Variants in MUC5B observed in about 807,000 individuals in gnomAD.
MUC5B encodes the protein mucin-5B.
MUC5B carries 116 observed loss-of-function variants against 376.9 expected under a neutral mutation model. The ratio of observed to expected loss-of-function variants is 0.31; its 90% CI spans 0.26 to 0.36. The LOEUF is 0.36. Ranked by LOEUF, MUC5B falls within the 10% of genes least tolerant of loss-of-function variation. MUC5B has a pLI of 1.00. For missense variants in MUC5B, 7,165 were observed against 7,769.9 expected, an observed-to-expected ratio of 0.92 and a Z score of 2.93; for synonymous variants, 3,517 against 3,390.9, an observed-to-expected ratio of 1.04 and a Z score of -1.29.
rs757522557 is a variant in MUC5B at position 1,244,730 on chromosome 11, C to A, written c.7850C>A (p.Thr2617Lys). ...CTGACTACCACAACCACGGGCTTCACAGCCACCCCCTCCTCCAGCCCAGGG... is the reference window on the plus strand; with the variant it reads ...CTGACTACCACAACCACGGGCTTCAAAGCCACCCCCTCCTCCAGCCCAGGG... ...KVLTTTTTGF[T>K]ATPSSSPGTA... The change falls in exon 31 of 49, where the codon ACA (threonine) becomes AAA (lysine). Residue 2617 changes from threonine to lysine, a missense_variant. By Grantham distance (78) the Thr-to-Lys change is moderately conservative. Around this residue, in one of 31 missense-constraint regions of MUC5B, gnomAD observed 141 missense variants for 111.2 expected, o/e 1.27. Coordinates refer to ENST00000529681, the MANE Select transcript of MUC5B (RefSeq NM_002458.3). The A allele has an allele frequency of 2.5e-6, 4 of 1,609,936 alleles. No homozygotes were observed. The highest frequency in any genetic ancestry group is 1.7e-4 in the Middle Eastern group (1 of 6,022).
chr11:1,233,710 G>T, intron 18 of MUC5B, 83 bp from the exon 19 acceptor site: 1 of 1,404,006 alleles, frequency 7.1e-7, no homozygotes, highest in Non-Finnish European at 9.8e-7. Flanking sequence ...GAGGCCCAGC[G>T]TTCGGCGGGG....
At position 1,261,283 on chromosome 11, in the gene MUC5B, G is replaced by T. The variant is rs565393968; in HGVS notation, c.17070-106G>T. 2.6e-5 allele frequency: 25 copies of T among 970,246 alleles called. 1 individual carries two copies. The South Asian group carries it at 3.7e-4, about 14-fold the overall frequency. 60.1% of individuals were successfully genotyped at this position (970,246 alleles called of 1,614,324 possible). ...AGAGCAGGCCACTGTGGACAGAAGGGGGCGGCCGTCTGGCCCAGGACCCCA... is the reference window on the plus strand; with the variant it reads ...AGAGCAGGCCACTGTGGACAGAAGGTGGCGGCCGTCTGGCCCAGGACCCCA... On this transcript the variant is annotated intron_variant, in intron 48 of 48. Coordinates refer to ENST00000529681, the MANE Select transcript of MUC5B (RefSeq NM_002458.3).
At position 1,253,966 on chromosome 11, in the gene MUC5B, T is replaced by C; in HGVS notation, c.15218-126T>C. 5 of 1,346,510 alleles carry C rather than the reference T, an allele frequency of 3.7e-6. No homozygotes were observed. Among genetic ancestry groups the C allele is most frequent in the Non-Finnish European group, 4.0e-6 (4 of 998,730 alleles). 83.4% of individuals were successfully genotyped at this position (1,346,510 alleles called of 1,614,324 possible). On this transcript the variant is annotated intron_variant, in intron 33 of 48. Coordinates refer to ENST00000529681, the MANE Select transcript of MUC5B (RefSeq NM_002458.3). The surrounding 1 kb of genome is among the most constrained non-coding windows in gnomAD (Gnocchi z 4.3). ...GACCCATTTTTATAGACGAGGCAGC[T>C]GAGGCCCCAGGGGCTTCAGTGGCTC...
At position 1,252,534 on chromosome 11, in the gene MUC5B, G is replaced by A. The variant is rs753288742; in HGVS notation, c.15045+10G>A. On this transcript the variant is annotated intron_variant, in intron 32 of 48. Coordinates refer to ENST00000529681, the MANE Select transcript of MUC5B (RefSeq NM_002458.3). The stretch of plus-strand genomic sequence containing the variant: ...CATCCCTCTCCGGCAGGTGGGCCCC[G>A]CCTGCCCTCCACCTCCCGTGCTGCG... 1.5e-5 allele frequency: 23 copies of A among 1,532,322 alleles called. No homozygotes were observed. Among genetic ancestry groups the A allele is most frequent in the Middle Eastern group, 1.9e-4 (1 of 5,342 alleles). 94.9% of individuals were successfully genotyped at this position (1,532,322 alleles called of 1,614,324 possible). A position where few individuals can be genotyped will look rare whatever the true frequency, so the allele number is the denominator to read the frequency against.
chr11:1,254,852 C>T lies in MUC5B; in HGVS notation c.15636C>T (p.Leu5212=), dbSNP rs1392262293. The change falls in exon 35 of 49, where the codon CTC becomes CTT. Residue 5212 remains leucine (L), a synonymous_variant. Coordinates refer to ENST00000529681, the MANE Select transcript of MUC5B (RefSeq NM_002458.3). ...TCCAGGCCCGGCTGCCCTACAGCCT[C>T]TTCCACAACAACACCGAGGGCCAGT... The part of the protein sequence containing the change: ...QVFQARLPYS[L]FHNNTEGQCG... The T allele has an allele frequency of 2.2e-5, 35 of 1,612,002 alleles. No individual in the cohort carries two copies. Among genetic ancestry groups the T allele is most frequent in the Non-Finnish European group, 2.7e-5 (32 of 1,179,752 alleles).
In MUC5B at chr11:1,234,676, AC is replaced by A; in HGVS notation, c.2628del (p.Cys877AlafsTer88). 6.9e-7 allele frequency: 1 copy of A among 1,450,652 alleles called. No homozygotes were observed. The allele number at this position is 1,450,652 out of a possible 1,614,324, so 89.9% of individuals were successfully genotyped here. A position where few individuals can be genotyped will look rare whatever the true frequency, so the allele number is the denominator to read the frequency against. On this transcript the variant is annotated frameshift_variant, in exon 21 of 49. Coordinates refer to ENST00000529681, the MANE Select transcript of MUC5B (RefSeq NM_002458.3). LOFTEE classifies it high-confidence loss of function. The surrounding 1 kb of genome is among the most constrained non-coding windows in gnomAD (Gnocchi z 6.3). The stretch of plus-strand genomic sequence containing the variant: ...AGAGACCATCAGGGTCGACTGCAAC[AC>A]CTGGTGGGTCGTGAGTCTCTCGGAG... ...PGETIRVDCN[T>X]CTCRNRRWEC... is the part of the protein sequence containing the mutation.
Position 1,237,023 on chromosome 11 carries a change from G to T in MUC5B, c.3156G>T (p.Gly1052=). ...TGGTGGGGGACGCACTGGAGTTTGG[G>T]AACAGCTGGAAGCTCTCCCCCTCCT... The part of the protein sequence containing the change: ...RSVVGDALEF[G]NSWKLSPSCP... The change falls in exon 25 of 49, where the codon GGG becomes GGT. Residue 1052 remains glycine, a synonymous_variant. Transcript: ENST00000529681. 6.3e-7 allele frequency: 1 copy of T among 1,576,832 alleles called. No individual in the cohort carries two copies. Among genetic ancestry groups the T allele is most frequent in the Non-Finnish European group, 8.6e-7 (1 of 1,161,000 alleles).
At position 1,261,465 on chromosome 11, in the gene MUC5B, C is replaced by T. The variant is rs969177481; in HGVS notation, c.17146C>T (p.Pro5716Ser). 2.6e-6 allele frequency: 4 copies of T among 1,556,620 alleles called. No individual in the cohort carries two copies. The highest frequency in any genetic ancestry group is 2.7e-5 in the African/African-American group (2 of 73,358). Reference protein sequence around the residue: ...QERRVHEETVPLHCPNGSAIL... With the variant: ...QERRVHEETVSLHCPNGSAIL... ...GAGGCGGGTCCACGAGGAGACGGTG[C>T]CCTTGCACTGTCCTAACGGCTCAGC... is the stretch of plus-strand genomic sequence containing the variant. The change falls in exon 49 of 49, where the codon CCC becomes TCC. Residue 5716 changes from proline (P) to serine (S), a missense_variant. Physicochemically the swap from Pro to Ser is moderately conservative, Grantham distance 74. Around this residue, in one of 31 missense-constraint regions of MUC5B, gnomAD observed 842 missense variants for 1,016.9 expected, o/e 0.83. Coordinates refer to ENST00000529681, the MANE Select transcript of MUC5B (RefSeq NM_002458.3).
chr11:1,237,422 C>A (rs183518946), intron 25 of MUC5B, among the ~76,000 whole-genome samples: 13 of 152,358 alleles, frequency 8.5e-5, no homozygotes, highest in African/African-American at 2.6e-4. Flanking sequence ...CACCCAGAGG[C>A]TCACAGGGAG....
At position 1,227,293 on chromosome 11, in the gene MUC5B, C is replaced by T. The variant is rs771984701; in HGVS notation, c.577-15C>T. ...CAGAGGTCCTGAGGCTGGAGCTGCC[C>T]CTCCCCACTCTCAGCTGGAGCTGGA... On this transcript the variant is annotated splice_polypyrimidine_tract_variant and intron_variant, in intron 5 of 48. Coordinates refer to ENST00000529681, the MANE Select transcript of MUC5B (RefSeq NM_002458.3). The T allele has an allele frequency of 2.5e-6, 4 of 1,607,660 alleles. No homozygotes were observed. The Admixed American group carries it at 5.0e-5, about 20-fold the overall frequency.
At position 1,249,428 on chromosome 11, in the gene MUC5B, C is replaced by A; in HGVS notation, c.12548C>A (p.Pro4183His). The A allele has an allele frequency of 6.2e-7, 1 of 1,611,464 alleles. No individual in the cohort carries two copies. The highest frequency in any genetic ancestry group is 8.5e-7 in the Non-Finnish European group (1 of 1,179,628). The change falls in exon 31 of 49, where the codon CCC (proline) becomes CAC (histidine). Residue 4183 changes from proline to histidine, a missense_variant. Pro to His is a moderately conservative substitution (Grantham distance 77). Around this residue, in one of 31 missense-constraint regions of MUC5B, gnomAD observed 34 missense variants for 25.7 expected, o/e 1.32. Transcript: ENST00000529681. ...CGTGCCCAGGCCCAGCCTGGTGTCC[C>A]CCTGGGGGAGTTGGGCCAGGTCGTG... ...ECRAQAQPGVPLGELGQVVEC... is the reference protein window; with the variant it reads ...ECRAQAQPGVHLGELGQVVEC...
rs778789185 is a variant in MUC5B at position 1,242,115 on chromosome 11, G to A, written c.5235G>A (p.Leu1745=). ...CCAAAGAGCCGCTGACCACGAGCCTGGCGCCAACACTCACGAGCGAGCTGT... is the reference window on the plus strand; with the variant it reads ...CCAAAGAGCCGCTGACCACGAGCCTAGCGCCAACACTCACGAGCGAGCTGT... ...TASKEPLTTS[L]APTLTSELST... is the part of the protein sequence containing the mutation. Residue 1745 remains leucine (L), a synonymous_variant, in exon 31 of 49, where the codon CTG becomes CTA. Coordinates refer to ENST00000529681, the MANE Select transcript of MUC5B (RefSeq NM_002458.3). 2 of 1,613,422 alleles carry A rather than the reference G, an allele frequency of 1.2e-6. No individual in the cohort carries two copies. Among genetic ancestry groups the A allele is most frequent in the Admixed American group, 3.3e-5 (2 of 60,000 alleles).
intron 22 of MUC5B, 21 bp downstream of exon 22, chr11:1,235,244 C>T: frequency 6.2e-7 from 1 of 1,611,636 alleles, no homozygotes; most frequent in Non-Finnish European, 8.5e-7. Context: ...CCCTCGCCCA[C>T]TCCTGCAGGC....
chr11:1,230,285 C>A, intron 11 of MUC5B, 142 bp downstream of exon 11: 1 of 1,304,118 alleles, frequency 7.7e-7, no homozygotes, highest in Non-Finnish European at 1.0e-6. Flanking sequence ...CCATGATGGT[C>A]ATAGAGGGAT....
At position 1,243,007 on chromosome 11, in the gene MUC5B, C is replaced by T. The variant is rs745430122; in HGVS notation, c.6127C>T (p.Pro2043Ser). The T allele has an allele frequency of 1.2e-6, 2 of 1,613,258 alleles. No individual in the cohort carries two copies. Among genetic ancestry groups the T allele is most frequent in the South Asian group, 2.2e-5 (2 of 91,058 alleles). The change falls in exon 31 of 49, where the codon CCA becomes TCA. Residue 2043 changes from proline (P) to serine (S), a missense_variant. Coordinates refer to ENST00000529681, the MANE Select transcript of MUC5B (RefSeq NM_002458.3). ...TGSVATPSST[P>S]GTAHTTKVPT... The stretch of plus-strand genomic sequence containing the variant: ...CTCTGTGGCCACCCCCTCCTCCACC[C>T]CAGGAACAGCTCACACTACCAAAGT...
chr11:1,257,622 G>C lies in MUC5B; in HGVS notation c.16362G>C (p.Gln5454His). ...VQCKPLPCDA[Q>H]GQPPPCNRPG... ...GCAAGCCCCTGCCCTGTGACGCCCA[G>C]GGTCAGCCCCCGCCGTGCAACCGTC... Residue 5454 changes from glutamine to histidine, a missense_variant, in exon 41 of 49, where the codon CAG becomes CAC. By Grantham distance (24) the Gln-to-His change is conservative. This residue lies in a region of MUC5B where 842 missense variants were observed against 1,016.9 expected (regional missense o/e 0.83). Transcript: ENST00000529681. This position sits in a 1 kb window ranked among gnomAD's most constrained non-coding sequence, Gnocchi z 8.9. The C allele has an allele frequency of 6.2e-7, 1 of 1,602,570 alleles. No individual in the cohort carries two copies. Among genetic ancestry groups the C allele is most frequent in the South Asian group, 1.1e-5 (1 of 90,840 alleles).
rs759704068 is a variant in MUC5B at position 1,227,112 on chromosome 11, G to A, written c.543G>A (p.Leu181=). ...TCAAGGTCAGCATCCGGCTGGTGCT[G>A]ACATTCCTGTGGAACGGAGAGGACA... The part of the protein sequence containing the change: ...DYIKVSIRLV[L]TFLWNGEDSA... The change falls in exon 5 of 49, where the codon CTG becomes CTA. Residue 181 remains leucine (L), a synonymous_variant. Coordinates refer to ENST00000529681, the MANE Select transcript of MUC5B (RefSeq NM_002458.3). The A allele has an allele frequency of 6.2e-7, 1 of 1,612,496 alleles. No individual in the cohort carries two copies. The highest frequency in any genetic ancestry group is 8.5e-7 in the Non-Finnish European group (1 of 1,179,696).
rs374848092 is a variant in MUC5B at position 1,257,314 on chromosome 11, G to A, written c.16269+43G>A. On this transcript the variant is annotated intron_variant, in intron 40 of 48. Coordinates refer to ENST00000529681, the MANE Select transcript of MUC5B (RefSeq NM_002458.3). This position sits in a 1 kb window ranked among gnomAD's most constrained non-coding sequence, Gnocchi z 8.9. The stretch of plus-strand genomic sequence containing the variant: ...CACCTGCCCTACCCCACCCTCTCGC[G>A]AGCTGAGGGAGGGAGGGAAGGAGCA... 1.4e-5 allele frequency: 11 copies of A among 790,148 alleles called. No homozygotes were observed. The highest frequency in any genetic ancestry group is 2.2e-4 in the Middle Eastern group (1 of 4,482). The allele number at this position is 790,148 out of a possible 1,614,324, so 48.9% of individuals were successfully genotyped here.
chr11:1,258,346 G>A lies in MUC5B; in HGVS notation c.16572G>A (p.Ser5524=), dbSNP rs566478909. Residue 5524 remains serine, a synonymous_variant, in exon 43 of 49, where the codon TCG becomes TCA. Coordinates refer to ENST00000529681, the MANE Select transcript of MUC5B (RefSeq NM_002458.3). The surrounding 1 kb of genome is among the most constrained non-coding windows in gnomAD (Gnocchi z 5.5). The stretch of plus-strand genomic sequence containing the variant: ...TCCTTCCAGGACCTCAGCTGTGTTC[G>A]TACAATGGCACCTTCTACGGGGTAA... ...PTFRCRPQLC[S]YNGTFYGVGA... is the part of the protein sequence containing the mutation. 6.8e-4 allele frequency: 1,098 copies of A among 1,612,138 alleles called. 14 individuals carry two copies. The South Asian group carries it at 0.011, about 16-fold the overall frequency.
Sources: gnomAD v4.1 joint callset for allele counts (sites outside exome capture counted in the v4.1 genomes callset) on GRCh38, gnomAD v4.1.1 for gene constraint, gnomAD v4.1.1 regional missense constraint, Gnocchi (gnomAD v3.1) non-coding constraint, MANE v1.5 for transcripts, NCBI Gene and HGNC (gene_info 2026-07-23, HGNC 2026-07-21) for gene names.